Variants in STK17B observed in about 807,000 individuals in gnomAD.
STK17B encodes the protein serine/threonine kinase 17b, also known as serine/threonine-protein kinase 17B.
In STK17B, 21 loss-of-function variants were observed where a neutral mutation model predicts 42.0. The observed-to-expected ratio is 0.50, with a 90% CI of 0.35 to 0.72. The LOEUF (loss-of-function observed/expected upper bound fraction) is 0.72, where lower values mean the gene tolerates loss of function less well. STK17B is among the 30% of genes least tolerant of loss of function. The probability of loss-of-function intolerance (pLI) is 0.00; values close to 1 mark genes in which losing one functional copy is unlikely to be tolerated. For missense variants in STK17B, 349 were observed against 446.0 expected, an observed-to-expected ratio of 0.78 and a Z score of 1.96; for synonymous variants, 143 against 148.4, an observed-to-expected ratio of 0.96 and a Z score of 0.26.
chr2:196,134,945 A>G lies in STK17B; in HGVS notation c.*2502T>C, dbSNP rs1267512745. On this transcript the variant is annotated 3_prime_UTR_variant, in exon 8 of 8. Coordinates refer to ENST00000263955, the MANE Select transcript of STK17B (RefSeq NM_004226.4). ...TTGGTCTATTTTCATATTCCAATCA[A>G]TAACGTTATTTAAATTCACACCTTT... The G allele has an allele frequency of 6.6e-6, 1 of 152,206 alleles. No homozygotes were observed. The allele number at this position is 152,206 out of a possible 1,614,324, so 9.4% of individuals were successfully genotyped here.
chr2:196,172,818 A>G (rs2280348), upstream of STK17B, among the ~76,000 whole-genome samples: 3,589 of 152,316 alleles, frequency 0.024, 265 homozygotes, highest in East Asian at 0.27. Context: ...TAAAGTTAGG[A>G]TGAAAATAAA....
intron 2 of STK17B, among the ~76,000 whole-genome samples, chr2:196,160,975 C>T (rs1290949969): frequency 6.6e-6 from 1 of 152,078 alleles, no homozygotes; most frequent in African/African-American, 2.4e-5. Context: ...GATTTTTTAG[C>T]TCCTATAATG....
Position 196,134,921 on chromosome 2 carries a change from T to G in STK17B, c.*2526A>C, listed in dbSNP as rs994865639. On this transcript the variant is annotated 3_prime_UTR_variant, in exon 8 of 8. Transcript: ENST00000263955. ...ATTTGCTAAAAAGCTCTTAAATGAT[T>G]GGTCTATTTTCATATTCCAATCAAT... 1.3e-5 allele frequency: 2 copies of G among 152,196 alleles called. No homozygotes were observed. Among genetic ancestry groups the G allele is most frequent in the Admixed American group, 1.3e-4 (2 of 15,280 alleles). The allele number at this position is 152,196 out of a possible 1,614,324, so 9.4% of individuals were successfully genotyped here.
chr2:196,164,036 C>CTTAATAAA lies in STK17B; in HGVS notation c.-44-610_-44-609insTTTATTAA, dbSNP rs368762428. On this transcript the variant is annotated intron_variant, in intron 1 of 7. Transcript: ENST00000263955. Reference sequence around the variant, plus strand: ...TTTGGGCAATAAAGCGAGATCTTATCTCAATAAATAAATAAATAAATAAAT... The same window carrying CTTAATAAA: ...TTTGGGCAATAAAGCGAGATCTTATCTTAATAAATCAATAAATAAATAAATAAATAAAT... Among the ~76,000 whole-genome samples the CTTAATAAA allele has an allele frequency of 7.5e-3, 759 of 101,414 alleles. 6 individuals carry two copies. The highest frequency in any genetic ancestry group is 0.037 in the Middle Eastern group (7 of 188). 66.5% of individuals were successfully genotyped at this position (101,414 alleles called of 152,430 possible).
chr2:196,157,288 C>T lies in STK17B; in HGVS notation c.123-637G>A, dbSNP rs372990114. On this transcript the variant is annotated intron_variant, in intron 2 of 7. Transcript: ENST00000263955. ...CCTATATAATAAATGCTCTCCTGTTCTTCACACCTCAGAGAAGATATGTAA... is the reference window on the plus strand; with the variant it reads ...CCTATATAATAAATGCTCTCCTGTTTTTCACACCTCAGAGAAGATATGTAA... Among the ~76,000 whole-genome samples the T allele has an allele frequency of 1.2e-4, 19 of 152,142 alleles. No homozygotes were observed. In the South Asian group the frequency reaches 1.5e-3, roughly 12 times the overall value.
chr2:196,135,190 T>C lies in STK17B; in HGVS notation c.*2257A>G, dbSNP rs1190154808. On this transcript the variant is annotated 3_prime_UTR_variant, in exon 8 of 8. Coordinates refer to ENST00000263955, the MANE Select transcript of STK17B (RefSeq NM_004226.4). ...AAATATTTCTTGATTTTTTGGGGGA[T>C]GGCATGATTCCTCTAAAAATTAAAA... 2 of 152,290 alleles carry C rather than the reference T, an allele frequency of 1.3e-5. No homozygotes were observed. Among genetic ancestry groups the C allele is most frequent in the East Asian group, 3.9e-4 (2 of 5,190 alleles). The allele number at this position is 152,290 out of a possible 1,614,324, so 9.4% of individuals were successfully genotyped here. A position where few individuals can be genotyped will look rare whatever the true frequency, so the allele number is the denominator to read the frequency against.
chr2:196,175,052 C>G (rs1699985504), upstream of STK17B, among the ~76,000 whole-genome samples: 1 of 152,206 alleles, frequency 6.6e-6, no homozygotes, highest in African/African-American at 2.4e-5. Context: ...TTCTACTAGT[C>G]ATATTTTAAA....
intron 7 of STK17B, among the ~76,000 whole-genome samples, chr2:196,138,760 G>C (rs1445154488): frequency 2.0e-5 from 3 of 151,774 alleles, no homozygotes; most frequent in Admixed American, 2.0e-4. Flanking sequence ...ATTTTTAGTA[G>C]AGATGGTGTT....
intron 2 of STK17B, among the ~76,000 whole-genome samples, chr2:196,159,405 G>A (rs925111207): frequency 6.6e-6 from 1 of 150,728 alleles, no homozygotes; most frequent in Non-Finnish European, 1.5e-5. Flanking sequence ...CAACCTCCCA[G>A]GCTCAGAAGA....
At chr2:196,155,009 A>C (rs1699720129) in intron 3 of STK17B, 1 of 152,190 alleles carries the variant, frequency 6.6e-6, no homozygotes, top group Admixed American at 6.5e-5. Flanking sequence ...CCATCCATAA[A>C]ATGTCTCAAA....
At chr2:196,156,067 C>G (rs969059750) in intron 3 of STK17B, 1 of 158,644 alleles carries the variant, frequency 6.3e-6, no homozygotes. Flanking sequence ...CCTTTCTATT[C>G]TTATTTTCTT....
At chr2:196,144,486 C>CAAAAAAAAAAAAA (rs869118381) in intron 4 of STK17B, among the ~76,000 whole-genome samples, 2 of 55,934 alleles carry the variant, frequency 3.6e-5, no homozygotes, top group African/African-American at 6.3e-5. Flanking sequence ...GACTCTGTCT[C>CAAAAAAAAAAAAA]AAAAAAAAAA....
intron 7 of STK17B, among the ~76,000 whole-genome samples, chr2:196,138,204 G>T (rs1699437269): frequency 6.6e-6 from 1 of 152,074 alleles, no homozygotes; most frequent in Non-Finnish European, 1.5e-5. Flanking sequence ...CTACATATAT[G>T]TGCATATACA....
chr2:196,161,768 G>C (rs537847960), intron 2 of STK17B, among the ~76,000 whole-genome samples: 1 of 151,494 alleles, frequency 6.6e-6, no homozygotes, highest in Non-Finnish European at 1.5e-5. Context: ...CACCCTCCTC[G>C]GCCTCCCAAA....
At chr2:196,156,718 T>C in intron 2 of STK17B, 67 bp from the exon 3 acceptor site, 1 of 1,202,446 alleles carries the variant, frequency 8.3e-7, no homozygotes, top group Non-Finnish European at 1.2e-6. Context: ...TATTACAGAT[T>C]CTGTTATACC....
intron 7 of STK17B, among the ~76,000 whole-genome samples, chr2:196,137,978 G>T (rs1699431992): frequency 1.3e-5 from 2 of 152,142 alleles, no homozygotes. Context: ...ACAAACTCAT[G>T]AAATGGGTAC....
Position 196,137,317 on chromosome 2 carries a change from T to C in STK17B, c.*130A>G, listed in dbSNP as rs1699420062. On this transcript the variant is annotated 3_prime_UTR_variant, in exon 8 of 8. Coordinates refer to ENST00000263955, the MANE Select transcript of STK17B (RefSeq NM_004226.4). ...AACTAGTAATTTAACATTAAAACACTTCCCTAAATTATTCCATGGAAAAGT... is the reference window on the plus strand; with the variant it reads ...AACTAGTAATTTAACATTAAAACACCTCCCTAAATTATTCCATGGAAAAGT... 3.0e-6 allele frequency: 3 copies of C among 985,274 alleles called. No individual in the cohort carries two copies. Among genetic ancestry groups the C allele is most frequent in the Non-Finnish European group, 4.3e-6 (3 of 695,076 alleles). The allele number at this position is 985,274 out of a possible 1,614,324, so 61.0% of individuals were successfully genotyped here. A position where few individuals can be genotyped will look rare whatever the true frequency, so the allele number is the denominator to read the frequency against.
chr2:196,173,140 C>T (rs537035549), upstream of STK17B, among the ~76,000 whole-genome samples: 18 of 152,346 alleles, frequency 1.2e-4, no homozygotes, highest in Admixed American at 1.0e-3. Context: ...AGACTTTTCT[C>T]TCTCTGGCAC....
rs950185817 is a variant in STK17B at position 196,163,368 on chromosome 2, A to C, written c.16T>G (p.Phe6Val). 4 of 1,596,548 alleles carry C rather than the reference A, an allele frequency of 2.5e-6. No homozygotes were observed. Among genetic ancestry groups the C allele is most frequent in the Non-Finnish European group, 3.4e-6 (4 of 1,175,232 alleles). MSRRR[F>V]DCRSISGLLT... ...AGGCCTGAAATACTTCGGCAATCAAATCTCCTCCTCGACATGTTAGGTGAT... is the reference window on the plus strand; with the variant it reads ...AGGCCTGAAATACTTCGGCAATCAACTCTCCTCCTCGACATGTTAGGTGAT... The change falls in exon 2 of 8, where the codon TTT (phenylalanine) becomes GTT (valine). Residue 6 changes from phenylalanine to valine, a missense_variant. Coordinates refer to ENST00000263955, the MANE Select transcript of STK17B (RefSeq NM_004226.4).
Sources: gnomAD v4.1 joint callset for allele counts (sites outside exome capture counted in the v4.1 genomes callset) on GRCh38, gnomAD v4.1.1 for gene constraint, MANE v1.5 for transcripts, NCBI Gene and HGNC (gene_info 2026-07-23, HGNC 2026-07-21) for gene names.